GRXCR1: variants seen among roughly 807,000 people sequenced by gnomAD.
The protein encoded by GRXCR1 is glutaredoxin domain-containing cysteine-rich protein 1.
GRXCR1 carries 27 observed loss-of-function variants against 27.3 expected under a neutral mutation model. That is an observed-to-expected ratio of 0.99 (90% CI 0.73 to 1.37). The LOEUF (loss-of-function observed/expected upper bound fraction) is 1.37. Among genes scored for constraint, GRXCR1 ranks in the 40% most tolerant of loss-of-function variants. The pLI, the probability that GRXCR1 is intolerant of heterozygous loss-of-function variation, is 0.00. For synonymous variants in GRXCR1, 122 were observed against 131.1 expected, an observed-to-expected ratio of 0.93 and a Z score of 0.47; for missense variants, 379 against 354.4, an observed-to-expected ratio of 1.07 and a Z score of -0.56.
At chr4:43,018,926 C>A (rs954480700) in intron 2 of GRXCR1, among the ~76,000 whole-genome samples, 1 of 152,128 alleles carries the variant, frequency 6.6e-6, no homozygotes, top group African/African-American at 2.4e-5. Flanking sequence ...ATATAACTTG[C>A]CTCAGAGAGC....
chr4:42,897,448 A>G (rs553881056), intron 1 of GRXCR1, among the ~76,000 whole-genome samples: 1 of 152,276 alleles, frequency 6.6e-6, no homozygotes, highest in East Asian at 1.9e-4. Flanking sequence ...GAAAATAATT[A>G]CAACACATAC....
intron 2 of GRXCR1, among the ~76,000 whole-genome samples, chr4:42,985,974 A>G (rs1317495553): frequency 6.6e-6 from 1 of 152,192 alleles, no homozygotes; most frequent in Non-Finnish European, 1.5e-5. Context: ...AGTTATTGCC[A>G]TGATGTTATA....
chr4:42,951,850 G>A (rs1428142369), intron 1 of GRXCR1, among the ~76,000 whole-genome samples: 1 of 152,018 alleles, frequency 6.6e-6, no homozygotes, highest in East Asian at 1.9e-4. Context: ...GTTTTGATTT[G>A]CATTTGCCTA....
chr4:43,021,613 T>C (rs1431290092), intron 3 of GRXCR1, among the ~76,000 whole-genome samples: 2 of 152,294 alleles, frequency 1.3e-5, no homozygotes, highest in East Asian at 3.9e-4. Context: ...ACTGCAGACC[T>C]ATAGAAATAA....
At chr4:42,936,825 G>T (rs184688860) in intron 1 of GRXCR1, among the ~76,000 whole-genome samples, 13 of 151,998 alleles carry the variant, frequency 8.6e-5, no homozygotes, top group African/African-American at 2.9e-4. Context: ...TGGAAAGGAA[G>T]ATAACAGAAG....
chr4:42,904,137 C>T (rs1236109901), intron 1 of GRXCR1, among the ~76,000 whole-genome samples: 1 of 152,144 alleles, frequency 6.6e-6, no homozygotes, highest in African/African-American at 2.4e-5. Context: ...CACAAGGGGC[C>T]AGAATGTCTA....
intron 2 of GRXCR1, among the ~76,000 whole-genome samples, chr4:42,976,977 A>G (rs1485218648): frequency 6.6e-6 from 1 of 151,880 alleles, no homozygotes; most frequent in East Asian, 1.9e-4. Flanking sequence ...TCCATCCCCA[A>G]CTATGCCAGT....
intron 3 of GRXCR1, among the ~76,000 whole-genome samples, chr4:43,027,509 T>C (rs938915437): frequency 1.3e-5 from 2 of 152,220 alleles, no homozygotes; most frequent in African/African-American, 2.4e-5. Flanking sequence ...AGGCCCATTA[T>C]GTAAAATAAT....
At chr4:42,930,710 A>G (rs1747285968) in intron 1 of GRXCR1, among the ~76,000 whole-genome samples, 1 of 152,018 alleles carries the variant, frequency 6.6e-6, no homozygotes, top group Non-Finnish European at 1.5e-5. Context: ...AGATAAGTGA[A>G]TTATTACCTT....
chr4:42,927,996 A>G (rs546871348), intron 1 of GRXCR1, among the ~76,000 whole-genome samples: 5 of 152,004 alleles, frequency 3.3e-5, no homozygotes, highest in Non-Finnish European at 7.4e-5. Context: ...CTAGAGCTCA[A>G]TCCTGTATAG....
At chr4:42,926,383 C>T (rs1473585785) in intron 1 of GRXCR1, among the ~76,000 whole-genome samples, 2 of 151,922 alleles carry the variant, frequency 1.3e-5, no homozygotes, top group Non-Finnish European at 2.9e-5. Context: ...CAGAATGGTG[C>T]CTGGCATATA....
In GRXCR1 at chr4:42,992,862, GTA is replaced by G. The variant is rs563712594; in HGVS notation, c.628-27491_628-27490del. On this transcript the variant is annotated intron_variant, in intron 2 of 3. Coordinates refer to ENST00000399770, the MANE Select transcript of GRXCR1 (RefSeq NM_001080476.3). ...TGTTTATAAAAATGTTAAAAATTTT[GTA>G]GTTCCTTTAGTTTACTTATACTTTT... is the stretch of plus-strand genomic sequence containing the variant. 3.0e-3 allele frequency among the ~76,000 whole-genome samples: 451 copies of G among 152,154 alleles called. 2 individuals are homozygous for G. The highest frequency in any genetic ancestry group is 5.3e-3 in the Non-Finnish European group (359 of 67,920).
At chr4:42,979,750 A>T (rs1415437346) in intron 2 of GRXCR1, among the ~76,000 whole-genome samples, 1 of 151,948 alleles carries the variant, frequency 6.6e-6, no homozygotes, top group African/African-American at 2.4e-5. Context: ...AATTGGTGTT[A>T]GTTCTTTAAA....
At chr4:42,928,705 C>T (rs995474694) in intron 1 of GRXCR1, among the ~76,000 whole-genome samples, 3 of 151,960 alleles carry the variant, frequency 2.0e-5, no homozygotes, top group African/African-American at 7.2e-5. Context: ...GGGCCACAGC[C>T]TTTACTGGTG....
chr4:42,910,886 G>A (rs1359286603), intron 1 of GRXCR1, among the ~76,000 whole-genome samples: 2 of 151,890 alleles, frequency 1.3e-5, no homozygotes, highest in Admixed American at 6.6e-5. Flanking sequence ...TTTTTCTCTC[G>A]GTTGGTTTAA....
intron 1 of GRXCR1, among the ~76,000 whole-genome samples, chr4:42,911,116 G>A (rs1430399181): frequency 6.6e-6 from 1 of 152,142 alleles, no homozygotes; most frequent in African/African-American, 2.4e-5. Context: ...TGAGTGCCTA[G>A]CATAGTACTT....
At chr4:42,990,282 C>T (rs1711926940) in intron 2 of GRXCR1, among the ~76,000 whole-genome samples, 1 of 143,156 alleles carries the variant, frequency 7.0e-6, no homozygotes, top group African/African-American at 2.6e-5. Context: ...AGCCCCGCCT[C>T]CCGGGTTCAC....
At chr4:42,995,926 T>A (rs1045355797) in intron 2 of GRXCR1, among the ~76,000 whole-genome samples, 4 of 152,174 alleles carry the variant, frequency 2.6e-5, no homozygotes, top group African/African-American at 9.6e-5. Flanking sequence ...TCAGGACTGA[T>A]GTCATGCGAA....
At chr4:42,969,492 A>T (rs185941174) in intron 2 of GRXCR1, among the ~76,000 whole-genome samples, 14 of 152,262 alleles carry the variant, frequency 9.2e-5, no homozygotes, top group Admixed American at 6.5e-4. Context: ...CACAAAGAGA[A>T]CTTACAATCA....
Sources: allele counts gnomAD v4.1 joint callset (sites outside exome capture counted in the v4.1 genomes callset), GRCh38; gene constraint gnomAD v4.1.1; transcripts MANE v1.5; gene names NCBI Gene and HGNC (gene_info 2026-07-23, HGNC 2026-07-21).